Variants in TENM2 observed in about 807,000 individuals in gnomAD.
TENM2 encodes the protein teneurin transmembrane protein 2.
TENM2 carries 52 observed loss-of-function variants against 245.2 expected under a neutral mutation model. The ratio of observed to expected loss-of-function variants is 0.21; its 90% confidence interval spans 0.17 to 0.27. The LOEUF (loss-of-function observed/expected upper bound fraction) is 0.27, where lower values mean the gene tolerates loss of function less well. Among genes scored for constraint, TENM2 ranks in the 10% least tolerant of loss-of-function variants. The pLI, the probability that TENM2 is intolerant of heterozygous loss-of-function variation, is 1.00. For synonymous variants in TENM2, 1,363 were observed against 1,438.9 expected, an observed-to-expected ratio of 0.95 and a Z score of 1.19; for missense variants, 3,046 against 3,666.8, an observed-to-expected ratio of 0.83 and a Z score of 4.37.
At chr5:167,159,007 G>A in the TENM2 span, among the ~76,000 whole-genome samples, 2 of 148,338 alleles carry the variant, frequency 1.3e-5, no homozygotes, top group East Asian at 4.1e-4. Flanking sequence ...AGGCTGGAGT[G>A]CAGTGGCGTA....
At chr5:167,093,143 G>A in the TENM2 span, among the ~76,000 whole-genome samples, 1 of 150,494 alleles carries the variant, frequency 6.6e-6, no homozygotes, top group Non-Finnish European at 1.5e-5. Flanking sequence ...GGATTCATTT[G>A]GGGGAGGAAA....
chr5:167,512,519 T>G (rs1202828300), intron 2 of TENM2, among the ~76,000 whole-genome samples: 1 of 152,226 alleles, frequency 6.6e-6, no homozygotes, highest in African/African-American at 2.4e-5. Context: ...TGGAATCTTT[T>G]GCTGTAATGA....
intron 9 of TENM2, among the ~76,000 whole-genome samples, chr5:168,110,027 T>C (rs750849): frequency 0.021 from 3,141 of 149,086 alleles, 105 homozygotes; most frequent in African/African-American, 0.072. Flanking sequence ...GCTTCTGAGA[T>C]TAAGAACCCT....
chr5:167,928,895 C>CAAAAAAA (rs767167658), intron 3 of TENM2, among the ~76,000 whole-genome samples: 1 of 21,584 alleles, frequency 4.6e-5, no homozygotes, highest in Non-Finnish European at 9.2e-5. Flanking sequence ...GACCCTGGCT[C>CAAAAAAA]AAAAAAAAAA....
intron 9 of TENM2, among the ~76,000 whole-genome samples, chr5:168,108,513 C>T (rs759185209): frequency 1.3e-5 from 2 of 152,174 alleles, no homozygotes; most frequent in Admixed American, 6.5e-5. Context: ...ATGCTTGGCA[C>T]GTATTAAATG....
the TENM2 span, among the ~76,000 whole-genome samples, chr5:167,183,902 C>T: frequency 6.6e-6 from 1 of 152,104 alleles, no homozygotes; most frequent in South Asian, 2.1e-4. Flanking sequence ...TAAGTACACA[C>T]CTAATTTTAT....
At chr5:167,807,799 T>A (rs1444602217) in intron 2 of TENM2, among the ~76,000 whole-genome samples, 1 of 152,036 alleles carries the variant, frequency 6.6e-6, no homozygotes, top group Non-Finnish European at 1.5e-5. Flanking sequence ...CCTAGAGCAG[T>A]GGTTTCTAAA....
intron 2 of TENM2, among the ~76,000 whole-genome samples, chr5:167,716,360 G>A (rs1277921617): frequency 3.3e-5 from 5 of 152,164 alleles, no homozygotes; most frequent in South Asian, 2.1e-4. Flanking sequence ...CTGTTGCATC[G>A]TATCTGTGAA....
At chr5:168,107,712 C>A (rs1488387625) in intron 9 of TENM2, among the ~76,000 whole-genome samples, 9 of 152,234 alleles carry the variant, frequency 5.9e-5, no homozygotes, top group Admixed American at 4.6e-4. Flanking sequence ...CCAGTAGTCA[C>A]CCCTCATAAA....
At chr5:168,192,885 A>G (rs1048405920) in intron 14 of TENM2, among the ~76,000 whole-genome samples, 1 of 152,020 alleles carries the variant, frequency 6.6e-6, no homozygotes, top group African/African-American at 2.4e-5. Context: ...TTCCTCATTA[A>G]CCTATCATTA....
the TENM2 span, among the ~76,000 whole-genome samples, chr5:167,033,794 A>G: frequency 1.3e-5 from 2 of 152,200 alleles, no homozygotes; most frequent in Admixed American, 1.3e-4. Flanking sequence ...ATTGATATTC[A>G]TTACAGAAAG....
At chr5:167,953,012 G>C (rs1461748719) in intron 4 of TENM2, among the ~76,000 whole-genome samples, 190 bp downstream of exon 6, 1 of 152,098 alleles carries the variant, frequency 6.6e-6, no homozygotes, top group Non-Finnish European at 1.5e-5. Context: ...GTATTTCTTC[G>C]TTCACATGTG....
chr5:167,210,960 G>A, the TENM2 span, among the ~76,000 whole-genome samples: 1 of 152,080 alleles, frequency 6.6e-6, no homozygotes. Context: ...TCCCAGAAGG[G>A]TAAATAATGA....
chr5:166,998,214 A>G, the TENM2 span, among the ~76,000 whole-genome samples: 1 of 152,176 alleles, frequency 6.6e-6, no homozygotes, highest in Non-Finnish European at 1.5e-5. Flanking sequence ...AAATGTGGTT[A>G]TCTGGTGGTC....
exon 12 of TENM2, chr5:168,126,954 G>A: frequency 6.2e-7 from 1 of 1,605,546 alleles, no homozygotes; most frequent in Non-Finnish European, 8.5e-7. Flanking sequence ...GCAAACGGCA[G>A]GCACCGAAAC....
the TENM2 span, among the ~76,000 whole-genome samples, chr5:167,245,122 C>G: frequency 6.6e-6 from 1 of 152,226 alleles, no homozygotes; most frequent in East Asian, 1.9e-4. Context: ...CCTCCTTCCT[C>G]AAATGTACAT....
intron 4 of TENM2, among the ~76,000 whole-genome samples, chr5:167,977,925 G>A (rs572450783): frequency 6.6e-6 from 1 of 152,220 alleles, no homozygotes; most frequent in East Asian, 1.9e-4. Context: ...TCATGGGGGT[G>A]GATCTCTCAT....
At chr5:167,862,241 A>ATGTGTGTGTGTG (rs138403142) in intron 2 of TENM2, among the ~76,000 whole-genome samples, 10 of 148,430 alleles carry the variant, frequency 6.7e-5, no homozygotes, top group African/African-American at 1.7e-4. Context: ...AATTTAGAGT[A>ATGTGTGTGTGTG]TGTGTGTGTG....
chr5:167,618,859 A>C (rs868758246), intron 2 of TENM2, among the ~76,000 whole-genome samples: 1 of 152,192 alleles, frequency 6.6e-6, no homozygotes, highest in South Asian at 2.1e-4. Flanking sequence ...CTCTCCCCGC[A>C]AAAAGAGTTT....
Sources: allele counts gnomAD v4.1 joint callset (sites outside exome capture counted in the v4.1 genomes callset), GRCh38; gene constraint gnomAD v4.1.1; transcripts MANE v1.5; gene names NCBI Gene and HGNC (gene_info 2026-07-23, HGNC 2026-07-21).